The following PKIB variants were observed in gnomAD, a reference collection of about 807,000 sequenced individuals.
PKIB encodes cAMP-dependent protein kinase inhibitor beta, also known as PKI-beta.
PKIB carries 2 observed loss-of-function variants against 4.5 expected under a neutral mutation model. The observed-to-expected ratio is 0.44, with a 90% CI of 0.18 to 1.39. The LOEUF is 1.39. Among genes scored for constraint, PKIB ranks in the 40% most tolerant of loss-of-function variants. The probability of loss-of-function intolerance (pLI) is 0.27; values close to 1 mark genes in which losing one functional copy is unlikely to be tolerated. For synonymous variants in PKIB, 38 were observed against 36.0 expected, an observed-to-expected ratio of 1.06 and a Z score of -0.20; for missense variants, 94 against 92.6, an observed-to-expected ratio of 1.02 and a Z score of -0.06.
At chr6:122,617,571 T>C (rs1488359050) in intron 1 of PKIB, among the ~76,000 whole-genome samples, 1 of 152,222 alleles carries the variant, frequency 6.6e-6, no homozygotes, top group Non-Finnish European at 1.5e-5. Flanking sequence ...ATATTTATTT[T>C]TACCAACTCT....
At chr6:122,576,519 T>C (rs1773534255) in intron 2 of PKIB, among the ~76,000 whole-genome samples, 1 of 151,168 alleles carries the variant, frequency 6.6e-6, no homozygotes, top group African/African-American at 2.4e-5. Flanking sequence ...ATTCAAAAAA[T>C]TAGCCGGGCG....
At chr6:122,596,837 T>G (rs1430505970) in intron 3 of PKIB, among the ~76,000 whole-genome samples, 1 of 152,216 alleles carries the variant, frequency 6.6e-6, no homozygotes, top group Non-Finnish European at 1.5e-5. Flanking sequence ...CACAGCAGCC[T>G]GGACCTGTTG....
At chr6:122,526,603 T>C (rs924042541) in intron 2 of PKIB, among the ~76,000 whole-genome samples, 20 of 152,094 alleles carry the variant, frequency 1.3e-4, no homozygotes, top group Admixed American at 1.1e-3. Context: ...TTTTCTTTGA[T>C]CAGTGGGTCT....
upstream of PKIB, chr6:122,471,930 C>T (rs1173432633): frequency 2.9e-5 from 36 of 1,260,920 alleles, no homozygotes; most frequent in Non-Finnish European, 3.7e-5. Flanking sequence ...TGCGCATGCG[C>T]GTCACTAGAC....
chr6:122,617,733 G>A (rs1318703130), intron 1 of PKIB, among the ~76,000 whole-genome samples: 1 of 152,040 alleles, frequency 6.6e-6, no homozygotes, highest in Non-Finnish European at 1.5e-5. Context: ...TAAGTTTGAT[G>A]ACAACAGTTT....
Position 122,544,263 on chromosome 6 carries a change from A to G in PKIB, c.-247-41658A>G, listed in dbSNP as rs145650304. Among the ~76,000 whole-genome samples, 993 of 152,156 alleles carry G rather than the reference A, an allele frequency of 6.5e-3. 9 individuals are homozygous for G. The highest frequency in any genetic ancestry group is 0.011 in the Non-Finnish European group (774 of 68,018). On this transcript the variant is annotated intron_variant, in intron 2 of 6. Transcript: ENST00000392491. ...ACTAGATATTAAAGCATTCAAACTA[A>G]TAAACTTACACAAACTTTTGTATGA...
At chr6:122,681,483 A>G (rs1051928346) in intron 3 of PKIB, among the ~76,000 whole-genome samples, 2 of 152,228 alleles carry the variant, frequency 1.3e-5, no homozygotes, top group Non-Finnish European at 2.9e-5. Context: ...CTCCAATGAT[A>G]TAACATTTCC....
chr6:122,648,858 CCA>C (rs1229467362), intron 2 of PKIB, among the ~76,000 whole-genome samples: 1 of 152,128 alleles, frequency 6.6e-6, no homozygotes, highest in Non-Finnish European at 1.5e-5. Context: ...GGCAGATTGG[CCA>C]CTCAGCAGTG....
At chr6:122,654,588 C>A (rs1371188721) in intron 2 of PKIB, among the ~76,000 whole-genome samples, 1 of 152,060 alleles carries the variant, frequency 6.6e-6, no homozygotes, top group East Asian at 1.9e-4. Context: ...CTAAGTAGGA[C>A]CATAAATATC....
chr6:122,541,353 C>T (rs1391130251), intron 2 of PKIB, among the ~76,000 whole-genome samples: 1 of 151,902 alleles, frequency 6.6e-6, no homozygotes, highest in Non-Finnish European at 1.5e-5. Flanking sequence ...GTGCTTCCTT[C>T]AGGAGCTCTT....
intron 2 of PKIB, among the ~76,000 whole-genome samples, chr6:122,501,699 GA>G (rs1776242359): frequency 6.6e-6 from 1 of 152,144 alleles, no homozygotes; most frequent in East Asian, 1.9e-4. Flanking sequence ...GCCTATGATG[GA>G]AGGGGCTACC....
At chr6:122,613,156 A>C (rs1774832181) in intron 1 of PKIB, among the ~76,000 whole-genome samples, 1 of 152,198 alleles carries the variant, frequency 6.6e-6, no homozygotes, top group Non-Finnish European at 1.5e-5. Flanking sequence ...AAAATGAGAA[A>C]GCATGCAGTT....
intron 1 of PKIB, among the ~76,000 whole-genome samples, chr6:122,614,248 A>G (rs569589111): frequency 6.6e-6 from 1 of 152,352 alleles, no homozygotes; most frequent in South Asian, 2.1e-4. Flanking sequence ...ATTCTCACCT[A>G]GAATCCTGGA....
chr6:122,563,169 T>C (rs1385318063), intron 2 of PKIB, among the ~76,000 whole-genome samples: 1 of 152,188 alleles, frequency 6.6e-6, no homozygotes, highest in Non-Finnish European at 1.5e-5. Context: ...CTTGATGTAG[T>C]ACTCTCATCC....
At chr6:122,577,505 A>T (rs1773578769) in intron 2 of PKIB, among the ~76,000 whole-genome samples, 1 of 152,226 alleles carries the variant, frequency 6.6e-6, no homozygotes, top group African/African-American at 2.4e-5. Context: ...AGTCCAAATT[A>T]ATCTTGAAAA....
At chr6:122,700,428 GT>G (rs146670011) in intron 3 of PKIB, among the ~76,000 whole-genome samples, 3,545 of 152,004 alleles carry the variant, frequency 0.023, 142 homozygotes, top group African/African-American at 0.081. Context: ...GCTTTATATG[GT>G]TTAAAGACCC....
chr6:122,695,987 C>T (rs558361777), intron 3 of PKIB, among the ~76,000 whole-genome samples: 178 of 152,092 alleles, frequency 1.2e-3, no homozygotes, highest in Non-Finnish European at 2.2e-3. Context: ...AGCTGTTCTA[C>T]CTGTGTATGG....
chr6:122,620,392 G>C (rs567546674), intron 1 of PKIB, among the ~76,000 whole-genome samples: 19 of 152,278 alleles, frequency 1.2e-4, no homozygotes, highest in African/African-American at 4.6e-4. Context: ...CACAGACTCA[G>C]AAGTATATAG....
intron 1 of PKIB, among the ~76,000 whole-genome samples, chr6:122,617,771 A>AT (rs1775055468): frequency 6.6e-6 from 1 of 152,168 alleles, no homozygotes; most frequent in African/African-American, 2.4e-5. Context: ...ATCTAGAATT[A>AT]TTTTACATAA....
Sources: gnomAD v4.1 joint callset for allele counts (sites outside exome capture counted in the v4.1 genomes callset) on GRCh38, gnomAD v4.1.1 for gene constraint, MANE v1.5 for transcripts, NCBI Gene and HGNC (gene_info 2026-07-23, HGNC 2026-07-21) for gene names.